WNK2: variants seen among roughly 807,000 people sequenced by gnomAD.
WNK2 encodes the protein serine/threonine-protein kinase WNK2.
A neutral mutation model predicts 192.1 loss-of-function variants in WNK2; 67 were observed. The observed-to-expected ratio is 0.35, with a 90% CI of 0.29 to 0.43. The LOEUF (loss-of-function observed/expected upper bound fraction) is 0.43, where lower values mean the gene tolerates loss of function less well. WNK2 is among the 20% of genes least tolerant of loss of function. The pLI is 1.00. For missense variants in WNK2, 2,698 were observed against 3,089.7 expected (o/e 0.87, Z 3.01); for synonymous variants, 1,439 against 1,393.9 (o/e 1.03, Z -0.72).
intron 23 of WNK2, 85 bp downstream of exon 23, chr9:93,293,258 C>G: frequency 1.5e-6 from 2 of 1,323,062 alleles, no homozygotes; most frequent in Non-Finnish European, 2.0e-6. Context: ...GGTGCCGGGG[C>G]TGAAGTCCTG....
At chr9:93,201,825 G>A (rs1832410819) in intron 2 of WNK2, among the ~76,000 whole-genome samples, 1 of 152,246 alleles carries the variant, frequency 6.6e-6, no homozygotes. Context: ...TGTTCCCCGA[G>A]GGGAGCGAGA....
chr9:93,257,918 C>T lies in WNK2; in HGVS notation c.2382+779C>T, dbSNP rs779993453. Among the ~76,000 whole-genome samples, 12 of 152,190 alleles carry T rather than the reference C, an allele frequency of 7.9e-5. No individual in the cohort carries two copies. Among genetic ancestry groups the T allele is most frequent in the African/African-American group, 1.2e-4 (5 of 41,432 alleles). On this transcript the variant is annotated intron_variant, in intron 11 of 29. Transcript: ENST00000427277. This position sits in a 1 kb window ranked among gnomAD's most constrained non-coding sequence, Gnocchi z 4.7. ...TGGCATGGAGGATTCTAGGTACTCC[C>T]GAGGGCTTCGGTGACCCGGACAGGC...
chr9:93,208,828 G>A (rs901726359), intron 2 of WNK2, among the ~76,000 whole-genome samples: 84 of 11,964 alleles, frequency 7.0e-3, no homozygotes, highest in African/African-American at 0.013. Context: ...CATGTTCTTC[G>A]TGTGTGTTCT....
intron 11 of WNK2, among the ~76,000 whole-genome samples, chr9:93,258,120 G>A (rs1332813361): frequency 1.3e-5 from 2 of 152,210 alleles, no homozygotes; most frequent in East Asian, 3.8e-4. Context: ...TATCTTGCTC[G>A]TTCAGACAGA....
At chr9:93,268,329 G>C (rs902627581) in intron 18 of WNK2, among the ~76,000 whole-genome samples, 1 of 152,188 alleles carries the variant, frequency 6.6e-6, no homozygotes, top group African/African-American at 2.4e-5. Context: ...TGCCAGTGAG[G>C]CACCCCAGGT....
rs1162449847 is a variant in WNK2, at chr9:93,263,631, G to A, written c.3476G>A (p.Gly1159Glu). The A allele has an allele frequency of 6.2e-7, 1 of 1,608,154 alleles. No individual in the cohort carries two copies. Among genetic ancestry groups the A allele is most frequent in the Non-Finnish European group, 8.5e-7 (1 of 1,178,616 alleles). The change falls in exon 15 of 30, where the codon GGG becomes GAG. Residue 1159 changes from glycine to glutamate, a missense_variant. Around this residue, in one of 7 missense-constraint regions of WNK2, gnomAD observed 893 missense variants for 909.0 expected, o/e 0.98. Coordinates refer to ENST00000427277, the MANE Select transcript of WNK2 (RefSeq NM_006648.4). ...LSDSCEGAFG[G>E]GRLEGRAARK... The stretch of plus-strand genomic sequence containing the variant: ...GACAGCTGTGAAGGCGCCTTTGGAG[G>A]GGGCAGGCTGGAGGGCAGGGCAGCC...
chr9:93,274,878 A>T (rs983120783), intron 19 of WNK2, among the ~76,000 whole-genome samples: 1 of 152,184 alleles, frequency 6.6e-6, no homozygotes, highest in Non-Finnish European at 1.5e-5. Flanking sequence ...CTTCCACAAA[A>T]TCTCTTCCAG....
chr9:93,308,314 G>T lies in WNK2; in HGVS notation c.6260-14G>T. On this transcript the variant is annotated splice_polypyrimidine_tract_variant and intron_variant, in intron 27 of 29. Coordinates refer to ENST00000427277, the MANE Select transcript of WNK2 (RefSeq NM_006648.4). ...TGTGGCGTCACCAATCCTGGCCTGT[G>T]TGTGACTCCCCAGGGTCCTCCACCA... The T allele has an allele frequency of 6.4e-7, 1 of 1,550,876 alleles. No individual in the cohort carries two copies. The highest frequency in any genetic ancestry group is 8.7e-7 in the Non-Finnish European group (1 of 1,147,152).
chr9:93,223,340 G>A (rs1837249019), intron 2 of WNK2, among the ~76,000 whole-genome samples: 1 of 152,212 alleles, frequency 6.6e-6, no homozygotes, highest in Non-Finnish European at 1.5e-5. Context: ...CCTGCACAGA[G>A]GCCACTTCCT....
At chr9:93,214,367 G>C (rs1461720091) in intron 2 of WNK2, among the ~76,000 whole-genome samples, 6 of 151,868 alleles carry the variant, frequency 4.0e-5, no homozygotes. Context: ...GCAGTGGCAT[G>C]ATCTCGGCTC....
At position 93,185,243 on chromosome 9, in the gene WNK2, C is replaced by T; in HGVS notation, c.314C>T (p.Pro105Leu). The T allele has an allele frequency of 3.3e-6, 4 of 1,226,614 alleles. No homozygotes were observed. The highest frequency in any genetic ancestry group is 4.1e-6 in the Non-Finnish European group (4 of 986,544). The allele number at this position is 1,226,614 out of a possible 1,614,324, so 76.0% of individuals were successfully genotyped here. A position where few individuals can be genotyped will look rare whatever the true frequency, so the allele number is the denominator to read the frequency against. ...GCGCCCGCAGCGCTGGTAGCGCAGC[C>T]GGGAGCCCCCGGAGCCCCCGCGGAC... is the stretch of plus-strand genomic sequence containing the variant. ...APAPAALVAQ[P>L]GAPGAPADAG... The change falls in exon 2 of 30, where the codon CCG becomes CTG. Residue 105 changes from proline to leucine, a missense_variant. Pro to Leu is a moderately conservative substitution (Grantham distance 98, BLOSUM62 -3). Around this residue, in one of 7 missense-constraint regions of WNK2, gnomAD observed 260 missense variants for 285.6 expected, o/e 0.91. Transcript: ENST00000427277.
At chr9:93,298,874 C>T (rs1564204209) in intron 24 of WNK2, among the ~76,000 whole-genome samples, 196 bp from the exon 25 acceptor site, 1 of 152,216 alleles carries the variant, frequency 6.6e-6, no homozygotes, top group Non-Finnish European at 1.5e-5. Flanking sequence ...GCAGTGGGGG[C>T]TGGTAGAGAC....
chr9:93,233,012 A>C (rs1839129120), intron 4 of WNK2, among the ~76,000 whole-genome samples: 1 of 150,534 alleles, frequency 6.6e-6, no homozygotes, highest in South Asian at 2.1e-4. Flanking sequence ...AAAGAGAGAG[A>C]AATAAAGAAA....
intron 19 of WNK2, among the ~76,000 whole-genome samples, chr9:93,269,688 G>A (rs975615126): frequency 1.3e-5 from 2 of 152,154 alleles, no homozygotes; most frequent in East Asian, 1.9e-4. Context: ...CCTCCTAAGA[G>A]CTAATTTTTC....
intron 24 of WNK2, among the ~76,000 whole-genome samples, chr9:93,298,807 ACT>A (rs777061415): frequency 2.0e-5 from 3 of 152,200 alleles, no homozygotes; most frequent in Non-Finnish European, 4.4e-5. Flanking sequence ...TACACAGGCC[ACT>A]GTGTGCCTGG....
At chr9:93,268,933 A>C (rs1468928247) in intron 19 of WNK2, 187 bp downstream of exon 19, 1 of 1,554,382 alleles carries the variant, frequency 6.4e-7, no homozygotes, top group Non-Finnish European at 8.7e-7. Context: ...GAATCAGCTC[A>C]GTCAAAGCAG....
intron 21 of WNK2, among the ~76,000 whole-genome samples, chr9:93,291,936 A>T (rs973328336): frequency 1.3e-5 from 2 of 152,144 alleles, no homozygotes; most frequent in African/African-American, 4.8e-5. Flanking sequence ...AGCCCCATTG[A>T]TCTGCGCTGT....
Position 93,247,802 on chromosome 9 carries a change from C to T in WNK2, c.1802C>T (p.Pro601Leu). Residue 601 changes from proline (P) to leucine (L), a missense_variant, in exon 8 of 30, where the codon CCT becomes CTT. Coordinates refer to ENST00000427277, the MANE Select transcript of WNK2 (RefSeq NM_006648.4). The surrounding 1 kb of genome is among the most constrained non-coding windows in gnomAD (Gnocchi z 5.2). ...EPEADQHLLP[P>L]TLPTSATSLA... The stretch of plus-strand genomic sequence containing the variant: ...GAGGCCGACCAGCACCTCCTGCCAC[C>T]TACGTTGCCGACCAGCGCCACCTCC... 1 of 1,543,522 alleles carries T rather than the reference C, an allele frequency of 6.5e-7. No individual in the cohort carries two copies. Among genetic ancestry groups the T allele is most frequent in the Non-Finnish European group, 8.7e-7 (1 of 1,148,180 alleles).
chr9:93,205,261 C>T (rs1833146257), intron 2 of WNK2, among the ~76,000 whole-genome samples: 1 of 152,198 alleles, frequency 6.6e-6, no homozygotes. Flanking sequence ...TTCCTGAGTT[C>T]AGGGCATCTG....
Sources: gnomAD v4.1 joint callset for allele counts (sites outside exome capture counted in the v4.1 genomes callset) on GRCh38, gnomAD v4.1.1 for gene constraint, gnomAD v4.1.1 regional missense constraint, Gnocchi (gnomAD v3.1) non-coding constraint, MANE v1.5 for transcripts, NCBI Gene and HGNC (gene_info 2026-07-23, HGNC 2026-07-21) for gene names.